The following SIPA1L3 variants were observed in gnomAD, a reference collection of about 807,000 sequenced individuals.
The protein encoded by SIPA1L3 is signal induced proliferation associated 1 like 3, also known as signal-induced proliferation-associated 1-like protein 3.
Under a neutral mutation model 150.1 loss-of-function variants are expected in SIPA1L3, and 59 were observed. The ratio of observed to expected loss-of-function variants is 0.39; its 90% CI spans 0.32 to 0.49. The LOEUF (loss-of-function observed/expected upper bound fraction) is 0.49, where lower values mean the gene tolerates loss of function less well. Ranked by LOEUF, SIPA1L3 falls within the 20% of genes least tolerant of loss-of-function variation. The pLI is 0.86. For missense variants in SIPA1L3, 2,211 were observed against 2,489.5 expected (o/e 0.89, Z 2.38); for synonymous variants, 1,070 against 1,077.6 (o/e 0.99, Z 0.14).
chr19:37,974,759 G>T (rs560590531), intron 1 of SIPA1L3, among the ~76,000 whole-genome samples: 1 of 152,262 alleles, frequency 6.6e-6, no homozygotes, highest in South Asian at 2.1e-4. Flanking sequence ...ACACCCAGTG[G>T]TACATCCCCT....
At chr19:38,085,641 G>A (rs760802778) in intron 3 of SIPA1L3, among the ~76,000 whole-genome samples, 2 of 152,212 alleles carry the variant, frequency 1.3e-5, no homozygotes, top group African/African-American at 2.4e-5. Context: ...AAGAAATTCT[G>A]GTAGTTGTGA....
At chr19:38,050,888 A>T (rs1242560188) in intron 2 of SIPA1L3, among the ~76,000 whole-genome samples, 7 of 152,002 alleles carry the variant, frequency 4.6e-5, no homozygotes, top group African/African-American at 1.4e-4. Context: ...GCGAAACCCC[A>T]TCTCTACAAA....
chr19:38,167,902 T>G (rs751343367), intron 15 of SIPA1L3, among the ~76,000 whole-genome samples: 6 of 152,148 alleles, frequency 3.9e-5, no homozygotes, highest in African/African-American at 7.2e-5. Context: ...GTGGACTCTT[T>G]TGAATGGCTC....
At chr19:38,001,050 C>CAT (rs754009507) in intron 1 of SIPA1L3, among the ~76,000 whole-genome samples, 137 of 149,652 alleles carry the variant, frequency 9.2e-4, no homozygotes, top group East Asian at 2.2e-3. Flanking sequence ...ATATATCACA[C>CAT]ATATATATAT....
chr19:38,126,254 G>A (rs942620126), intron 9 of SIPA1L3, among the ~76,000 whole-genome samples: 1 of 152,050 alleles, frequency 6.6e-6, no homozygotes, highest in African/African-American at 2.4e-5. Flanking sequence ...TTAAAAGGGG[G>A]GTGTGGAGGA....
At position 38,013,663 on chromosome 19, in the gene SIPA1L3, C is replaced by G. The variant is rs10415289; in HGVS notation, c.-378-15426C>G. Among the ~76,000 whole-genome samples the G allele has an allele frequency of 9.6e-3, 1,469 of 152,276 alleles. 22 individuals carry two copies. The highest frequency in any genetic ancestry group is 0.033 in the African/African-American group (1,363 of 41,534). ...AATTTTTCATAAACAGCCTTTGACC[C>G]AGCACTGCAACTCCTGAGAATCTAC... On this transcript the variant is annotated intron_variant, in intron 1 of 21. Coordinates refer to ENST00000222345, the MANE Select transcript of SIPA1L3 (RefSeq NM_015073.3).
chr19:38,156,840 A>G (rs1971960824), intron 13 of SIPA1L3, among the ~76,000 whole-genome samples: 2 of 151,972 alleles, frequency 1.3e-5, no homozygotes, highest in Admixed American at 1.3e-4. Flanking sequence ...AAAAAAAGAA[A>G]TCATTGTGAG....
intron 9 of SIPA1L3, among the ~76,000 whole-genome samples, chr19:38,123,377 A>C (rs1237536837): frequency 1.3e-5 from 2 of 149,650 alleles, no homozygotes; most frequent in South Asian, 2.1e-4. Context: ...CAAGTGAACA[A>C]AGGTCTCTGG....
In SIPA1L3 at chr19:38,002,605, C is replaced by T. The variant is rs927693477; in HGVS notation, c.-378-26484C>T. Among the ~76,000 whole-genome samples the T allele has an allele frequency of 2.7e-5, 4 of 149,814 alleles. No homozygotes were observed. The South Asian group carries it at 8.4e-4, about 32-fold the overall frequency. ...AAAATTAGCTGGGAGTGGTGGCGTG[C>T]GCCTGTAATCCCAGGAGGCAGGAGA... On this transcript the variant is annotated intron_variant, in intron 1 of 21. Transcript: ENST00000222345.
intron 1 of SIPA1L3, among the ~76,000 whole-genome samples, chr19:37,971,926 T>G (rs1966951362): frequency 2.6e-5 from 4 of 152,190 alleles, no homozygotes; most frequent in Admixed American, 1.3e-4. Context: ...TCATTCCTTT[T>G]TGGGTTGGAT....
chr19:37,996,473 A>C (rs1450602414), intron 1 of SIPA1L3, among the ~76,000 whole-genome samples: 1 of 152,170 alleles, frequency 6.6e-6, no homozygotes, highest in African/African-American at 2.4e-5. Context: ...AGAATGGCTA[A>C]GTCAAGCCAT....
At chr19:37,943,537 T>C (rs2046681423) in intron 1 of SIPA1L3, among the ~76,000 whole-genome samples, 1 of 152,154 alleles carries the variant, frequency 6.6e-6, no homozygotes, top group Non-Finnish European at 1.5e-5. Flanking sequence ...ACAGTAATTA[T>C]TACAGGGCAG....
At chr19:37,949,892 A>C (rs1599831522) in intron 1 of SIPA1L3, among the ~76,000 whole-genome samples, 1 of 151,914 alleles carries the variant, frequency 6.6e-6, no homozygotes, top group Non-Finnish European at 1.5e-5. Flanking sequence ...TCCTGGCCAA[A>C]ATGGTGAAAC....
chr19:38,081,476 G>A lies in SIPA1L3; in HGVS notation c.-90G>A. On this transcript the variant is annotated 5_prime_UTR_variant, in exon 3 of 22. Coordinates refer to ENST00000222345, the MANE Select transcript of SIPA1L3 (RefSeq NM_015073.3). ...GCCCAGCATCCTTCATCCTGGGCCTGGCTGCCCTGAACAATGGCTGAGGGC... is the reference window on the plus strand; with the variant it reads ...GCCCAGCATCCTTCATCCTGGGCCTAGCTGCCCTGAACAATGGCTGAGGGC... 1 of 1,282,590 alleles carries A rather than the reference G, an allele frequency of 7.8e-7. No homozygotes were observed. The highest frequency in any genetic ancestry group is 1.4e-5 in the South Asian group (1 of 69,568). 79.5% of individuals were successfully genotyped at this position (1,282,590 alleles called of 1,614,324 possible). A position where few individuals can be genotyped will look rare whatever the true frequency, so the allele number is the denominator to read the frequency against.
chr19:38,204,909 C>T (rs548918647), intron 21 of SIPA1L3, among the ~76,000 whole-genome samples: 2 of 152,326 alleles, frequency 1.3e-5, no homozygotes, highest in Admixed American at 1.3e-4. Context: ...GTGGCTGTCA[C>T]TCAACATGAG....
intron 1 of SIPA1L3, among the ~76,000 whole-genome samples, chr19:37,982,457 A>G (rs527861275): frequency 6.6e-6 from 1 of 152,278 alleles, no homozygotes; most frequent in East Asian, 1.9e-4. Flanking sequence ...AGCGTTCACC[A>G]TGTGCTTGGT....
chr19:38,193,910 T>C (rs1972862508), intron 18 of SIPA1L3, 130 bp downstream of exon 18: 2 of 1,099,152 alleles, frequency 1.8e-6, no homozygotes, highest in African/African-American at 3.4e-5. Context: ...CAGGGAGGAA[T>C]GGGGTTCACA....
intron 1 of SIPA1L3, among the ~76,000 whole-genome samples, chr19:37,926,089 C>T (rs2046501214): frequency 1.3e-5 from 2 of 152,146 alleles, no homozygotes; most frequent in African/African-American, 2.4e-5. Flanking sequence ...ATTGTGCTTT[C>T]GTGGGTCAAG....
intron 1 of SIPA1L3, among the ~76,000 whole-genome samples, chr19:37,987,679 C>T (rs1251485881): frequency 6.6e-6 from 1 of 152,230 alleles, no homozygotes; most frequent in East Asian, 1.9e-4. Context: ...CCCCCTAGGC[C>T]AGCTGGTCAC....
Sources: allele counts gnomAD v4.1 joint callset (sites outside exome capture counted in the v4.1 genomes callset), GRCh38; gene constraint gnomAD v4.1.1; transcripts MANE v1.5; gene names NCBI Gene and HGNC (gene_info 2026-07-23, HGNC 2026-07-21).